LGALS9: variants seen among roughly 807,000 people sequenced by gnomAD.
The protein encoded by LGALS9 is galectin-9.
Under a neutral mutation model 35.9 loss-of-function variants are expected in LGALS9, and 26 were observed. That is an observed-to-expected ratio of 0.72 (90% confidence interval 0.53 to 1.01). The LOEUF is 1.01. Among genes scored for constraint, LGALS9 ranks in the 50% least tolerant of loss-of-function variants. The pLI is 0.00. For missense variants in LGALS9, 347 were observed against 445.8 expected (o/e 0.78, Z 1.99); for synonymous variants, 149 against 172.2 (o/e 0.87, Z 1.06).
In LGALS9 at chr17:27,648,825, T is replaced by A; in HGVS notation, c.922-11T>A. On this transcript the variant is annotated splice_polypyrimidine_tract_variant and intron_variant, in intron 10 of 10. Coordinates refer to ENST00000395473, the MANE Select transcript of LGALS9 (RefSeq NM_009587.3). ...CCCAAGTGTAGTGCAAACGGCATGA[T>A]CTCTGCACAGGTGTGGATCTTGTGT... is the stretch of plus-strand genomic sequence containing the variant. 2 of 1,613,546 alleles carry A rather than the reference T, an allele frequency of 1.2e-6. No individual in the cohort carries two copies. The highest frequency in any genetic ancestry group is 1.7e-6 in the Non-Finnish European group (2 of 1,179,792).
chr17:27,649,052 C>G lies in LGALS9; in HGVS notation c.*70C>G. The G allele has an allele frequency of 2.5e-6, 4 of 1,605,180 alleles. No individual in the cohort carries two copies. Among genetic ancestry groups the G allele is most frequent in the Non-Finnish European group, 3.4e-6 (4 of 1,174,284 alleles). On this transcript the variant is annotated 3_prime_UTR_variant, in exon 11 of 11. Transcript: ENST00000395473. ...CTGGGTCCTCTCATCATCCCCACTT[C>G]CCAGGCCCAGCCTTTCCAACCCTGC...
intron 2 of LGALS9, chr17:27,640,333 T>G (rs1904369779): frequency 1.6e-6 from 1 of 612,310 alleles, no homozygotes; most frequent in East Asian, 3.1e-5. Flanking sequence ...GCACTTTTCC[T>G]TAACCGTTTT....
Position 27,645,849 on chromosome 17 carries a change from T to G in LGALS9, c.577-12T>G, listed in dbSNP as rs774612604. On this transcript the variant is annotated splice_polypyrimidine_tract_variant and intron_variant, in intron 6 of 10. Transcript: ENST00000395473. ...GTGAGAGCCTGGGTGAGACCTGGTT[T>G]CTTTCTTCCAGACCCAGACAGTCAT... 6.3e-7 allele frequency: 1 copy of G among 1,598,834 alleles called. No homozygotes were observed. The highest frequency in any genetic ancestry group is 2.2e-5 in the East Asian group (1 of 44,644).
intron 1 of LGALS9, among the ~76,000 whole-genome samples, chr17:27,631,769 C>T (rs1324070785): frequency 6.6e-6 from 1 of 151,884 alleles, no homozygotes; most frequent in Non-Finnish European, 1.5e-5. Flanking sequence ...TTGAGCCCCC[C>T]ACTCCCAGGG....
In LGALS9 at chr17:27,643,316, A is replaced by AAT. The variant is rs1338796583; in HGVS notation, c.445-209_445-208insAT. On this transcript the variant is annotated intron_variant, in intron 4 of 10. Coordinates refer to ENST00000395473, the MANE Select transcript of LGALS9 (RefSeq NM_009587.3). Reference sequence around the variant, plus strand: ...CCTGACTCTCTCCCCTGCGGGTGGTAGGGGAGGGAAGAGCTGGAGGGAGAC... The same window carrying AAT: ...CCTGACTCTCTCCCCTGCGGGTGGTAATGGGGAGGGAAGAGCTGGAGGGAGAC... 2.6e-3 allele frequency among the ~76,000 whole-genome samples: 397 copies of AAT among 152,144 alleles called. 8 individuals carry two copies. The highest frequency in any genetic ancestry group is 8.9e-3 in the African/African-American group (370 of 41,526).
rs1344953623 is a variant in LGALS9, at chr17:27,639,710, C to T, written c.132-862C>T. Reference sequence around the variant, plus strand: ...TCAGCCTCCGGAGCAGCTGGGACTACAGGAGTGCACTATGATGCCCAGCTA... The same window carrying T: ...TCAGCCTCCGGAGCAGCTGGGACTATAGGAGTGCACTATGATGCCCAGCTA... On this transcript the variant is annotated intron_variant, in intron 2 of 10. Coordinates refer to ENST00000395473, the MANE Select transcript of LGALS9 (RefSeq NM_009587.3). Among the ~76,000 whole-genome samples, 5 of 152,206 alleles carry T rather than the reference C, an allele frequency of 3.3e-5. No homozygotes were observed. In the South Asian group the frequency reaches 8.3e-4, roughly 25 times the overall value.
chr17:27,635,894 T>G (rs1392259867), intron 1 of LGALS9, among the ~76,000 whole-genome samples: 1 of 152,180 alleles, frequency 6.6e-6, no homozygotes, highest in African/African-American at 2.4e-5. Context: ...GGTCCATAAT[T>G]GGATCAGGCT....
At chr17:27,646,519 A>G (rs751066461) in intron 7 of LGALS9, 28 bp from the exon 8 acceptor site, 1 of 1,611,992 alleles carries the variant, frequency 6.2e-7, no homozygotes, top group Non-Finnish European at 8.5e-7. Flanking sequence ...GTGCTCTCCC[A>G]TTGAATTTCC....
chr17:27,633,483 C>T (rs1343493010), intron 1 of LGALS9, among the ~76,000 whole-genome samples: 3 of 152,240 alleles, frequency 2.0e-5, no homozygotes, highest in Admixed American at 1.3e-4. Flanking sequence ...CCTGCTGGCA[C>T]GCAGTCTTGG....
chr17:27,640,693 G>C lies in LGALS9; in HGVS notation c.253G>C (p.Glu85Gln). 1.2e-6 allele frequency: 2 copies of C among 1,614,226 alleles called. No individual in the cohort carries two copies. The highest frequency in any genetic ancestry group is 1.7e-6 in the Non-Finnish European group (2 of 1,180,034). ...GAGGCAGAACGGAAGCTGGGGGCCC[G>C]AGGAGAGGAAGACACACATGCCTTT... Reference protein sequence around the residue: ...NTRQNGSWGPEERKTHMPFQK... With the variant: ...NTRQNGSWGPQERKTHMPFQK... The change falls in exon 3 of 11, where the codon GAG (glutamate) becomes CAG (glutamine). Residue 85 changes from glutamate to glutamine, a missense_variant. By Grantham distance (29) the Glu-to-Gln change is conservative (BLOSUM62 2). Transcript: ENST00000395473.
chr17:27,646,600 C>A lies in LGALS9; in HGVS notation c.669+12C>A, dbSNP rs778858890. On this transcript the variant is annotated intron_variant, in intron 8 of 10. Transcript: ENST00000395473. ...CCCACCCCGCCTATGTAAGTGGTTTCTCAGGGAGGGCAGAGGTTCTGTTTG... is the reference window on the plus strand; with the variant it reads ...CCCACCCCGCCTATGTAAGTGGTTTATCAGGGAGGGCAGAGGTTCTGTTTG... The A allele has an allele frequency of 6.2e-7, 1 of 1,612,862 alleles. No homozygotes were observed. Among genetic ancestry groups the A allele is most frequent in the Non-Finnish European group, 8.5e-7 (1 of 1,179,982 alleles).
chr17:27,645,878 C>T lies in LGALS9; in HGVS notation c.594C>T (p.His198=). 1 of 1,604,790 alleles carries T rather than the reference C, an allele frequency of 6.2e-7. No homozygotes were observed. Among genetic ancestry groups the T allele is most frequent in the Non-Finnish European group, 8.5e-7 (1 of 1,173,948 alleles). Reference sequence around the variant, plus strand: ...TCTTCCAGACCCAGACAGTCATCCACACAGTGCAGAGCGCCCCTGGACAGA... The same window carrying T: ...TCTTCCAGACCCAGACAGTCATCCATACAGTGCAGAGCGCCCCTGGACAGA... ...NPAPITQTVI[H]TVQSAPGQMF... The change falls in exon 7 of 11, where the codon CAC becomes CAT. Residue 198 remains histidine (H), a synonymous_variant. Transcript: ENST00000395473.
chr17:27,642,950 C>A (rs905447352), intron 4 of LGALS9, among the ~76,000 whole-genome samples: 2 of 152,148 alleles, frequency 1.3e-5, no homozygotes, highest in African/African-American at 4.8e-5. Flanking sequence ...GGTCTGCAGT[C>A]CTGGCTACTC....
intron 1 of LGALS9, among the ~76,000 whole-genome samples, chr17:27,633,615 G>C (rs561841237): frequency 6.6e-6 from 1 of 152,360 alleles, no homozygotes; most frequent in African/African-American, 2.4e-5. Context: ...TAGACTTCCA[G>C]ATAAGAAGAG....
intron 5 of LGALS9, 91 bp from the exon 6 acceptor site, chr17:27,645,223 G>A: frequency 1.9e-5 from 31 of 1,603,738 alleles, no homozygotes; most frequent in Middle Eastern, 1.7e-4. Flanking sequence ...GCATTTCTGA[G>A]CACAAGAGCC....
At chr17:27,648,742 G>A (rs1905110803) in intron 10 of LGALS9, 94 bp from the exon 11 acceptor site, 9 of 1,594,516 alleles carry the variant, frequency 5.6e-6, no homozygotes, top group Middle Eastern at 2.3e-4. Context: ...TAACAACTGA[G>A]GAGGGAGGGA....
intron 1 of LGALS9, among the ~76,000 whole-genome samples, chr17:27,635,262 C>T (rs1302019512): frequency 1.3e-5 from 2 of 151,916 alleles, no homozygotes; most frequent in Admixed American, 6.6e-5. Context: ...ACATAGAGAC[C>T]CCATCTTTAC....
chr17:27,643,547 A>G lies in LGALS9; in HGVS notation c.467A>G (p.Gln156Arg). ...CAGAACCCCCGCACAGTCCCTGTTC[A>G]GCCTGCCTTCTCCACGGTGCCGTTC... ...SFQNPRTVPV[Q>R]PAFSTVPFSQ... is the part of the protein sequence containing the mutation. The change falls in exon 5 of 11, where the codon CAG becomes CGG. Residue 156 changes from glutamine to arginine, a missense_variant. By Grantham distance (43) the Gln-to-Arg change is conservative. Coordinates refer to ENST00000395473, the MANE Select transcript of LGALS9 (RefSeq NM_009587.3). 2 of 1,611,884 alleles carry G rather than the reference A, an allele frequency of 1.2e-6. No homozygotes were observed. The highest frequency in any genetic ancestry group is 1.7e-6 in the Non-Finnish European group (2 of 1,179,776).
intron 1 of LGALS9, among the ~76,000 whole-genome samples, chr17:27,637,149 C>T (rs947402942): frequency 5.3e-5 from 8 of 151,952 alleles, no homozygotes; most frequent in South Asian, 2.1e-4. Context: ...GGTTATAGAA[C>T]GACATTGGAT....
Sources: gnomAD v4.1 joint callset for allele counts (sites outside exome capture counted in the v4.1 genomes callset) on GRCh38, gnomAD v4.1.1 for gene constraint, MANE v1.5 for transcripts, NCBI Gene and HGNC (gene_info 2026-07-23, HGNC 2026-07-21) for gene names.